FER: variants seen among roughly 807,000 people sequenced by gnomAD.
FER encodes FER tyrosine kinase.
In FER, 63 loss-of-function variants were observed where a neutral mutation model predicts 111.0. The ratio of observed to expected loss-of-function variants is 0.57; its 90% CI spans 0.46 to 0.70. The LOEUF is 0.70. Among genes scored for constraint, FER ranks in the 30% least tolerant of loss-of-function variants. The pLI is 0.00. For missense variants in FER, 914 were observed against 954.0 expected (o/e 0.96, Z 0.55); for synonymous variants, 327 against 313.9 (o/e 1.04, Z -0.44).
intron 16 of FER, among the ~76,000 whole-genome samples, chr5:109,055,310 A>C (rs1027967468): frequency 5.3e-5 from 8 of 152,180 alleles, no homozygotes; most frequent in African/African-American, 1.9e-4. Flanking sequence ...AAAATAAATA[A>C]ATAGGACTAT....
intron 17 of FER, among the ~76,000 whole-genome samples, chr5:109,137,011 GT>G (rs1450370761): frequency 2.0e-5 from 3 of 152,138 alleles, no homozygotes; most frequent in Non-Finnish European, 2.9e-5. Flanking sequence ...TATACAACTT[GT>G]CTGTATAAAC....
intron 16 of FER, among the ~76,000 whole-genome samples, chr5:109,093,761 C>G (rs547477741): frequency 6.6e-6 from 1 of 151,876 alleles, no homozygotes; most frequent in South Asian, 2.1e-4. Flanking sequence ...TTCTTTTTTT[C>G]TCTGCAGGTT....
intron 17 of FER, among the ~76,000 whole-genome samples, chr5:109,125,900 T>C (rs572980655): frequency 6.6e-6 from 1 of 152,368 alleles, no homozygotes; most frequent in South Asian, 2.1e-4. Flanking sequence ...TTCGGGACTC[T>C]TTGTTCTTCT....
chr5:108,903,721 AC>A (rs988867338), intron 10 of FER, among the ~76,000 whole-genome samples: 2 of 152,216 alleles, frequency 1.3e-5, no homozygotes, highest in Non-Finnish European at 2.9e-5. Flanking sequence ...ACCTTAGTTT[AC>A]AGGTAAATTA....
chr5:108,776,027 AAGGT>A (rs1181276838), intron 2 of FER, among the ~76,000 whole-genome samples: 5 of 152,180 alleles, frequency 3.3e-5, no homozygotes, highest in African/African-American at 1.2e-4. Flanking sequence ...AAGCATGTAA[AAGGT>A]AGGAAATACC....
At chr5:109,027,687 T>C (rs1768953653) in intron 13 of FER, among the ~76,000 whole-genome samples, 1 of 152,162 alleles carries the variant, frequency 6.6e-6, no homozygotes, top group Non-Finnish European at 1.5e-5. Flanking sequence ...AATGACCATC[T>C]GTACCCTGTA....
At chr5:108,793,880 G>A (rs892662240) in intron 2 of FER, among the ~76,000 whole-genome samples, 3 of 151,986 alleles carry the variant, frequency 2.0e-5, no homozygotes, top group African/African-American at 7.3e-5. Flanking sequence ...TAACATGATT[G>A]TATAAACAAA....
At chr5:109,119,472 G>T (rs1331031883) in intron 17 of FER, among the ~76,000 whole-genome samples, 1 of 152,132 alleles carries the variant, frequency 6.6e-6, no homozygotes, top group Non-Finnish European at 1.5e-5. Flanking sequence ...GTGCTAAAAA[G>T]AATGTATATT....
At chr5:108,963,105 A>G (rs1159977796) in intron 13 of FER, among the ~76,000 whole-genome samples, 2 of 152,180 alleles carry the variant, frequency 1.3e-5, no homozygotes, top group African/African-American at 2.4e-5. Context: ...GAGCTAAAAT[A>G]TAGGGATTGG....
intron 8 of FER, among the ~76,000 whole-genome samples, chr5:108,879,424 G>A (rs1010091584): frequency 6.6e-6 from 1 of 151,630 alleles, no homozygotes; most frequent in African/African-American, 2.4e-5. Flanking sequence ...AGGCCCCAGT[G>A]TGTGTTATTC....
At chr5:108,807,234 C>T (rs535948338) in intron 3 of FER, among the ~76,000 whole-genome samples, 1 of 152,286 alleles carries the variant, frequency 6.6e-6, no homozygotes, top group African/African-American at 2.4e-5. Context: ...TGAGGCCTCC[C>T]CAGCCACGTG....
In FER at chr5:108,778,106, C is replaced by T. The variant is rs770130325; in HGVS notation, c.-60+9868C>T. Among the ~76,000 whole-genome samples the T allele has an allele frequency of 2.2e-4, 33 of 152,190 alleles. 1 individual carries two copies. The highest frequency in any genetic ancestry group is 3.2e-3 in the Middle Eastern group (1 of 316). On this transcript the variant is annotated intron_variant, in intron 2 of 19. Coordinates refer to ENST00000281092, the MANE Select transcript of FER (RefSeq NM_005246.4). ...CATTTAGTAAGGTGCATTTAAATTT[C>T]TCCATGTCTTTTCATGGCTTGATAG...
At chr5:109,009,133 C>T (rs916459824) in intron 13 of FER, among the ~76,000 whole-genome samples, 6 of 148,674 alleles carry the variant, frequency 4.0e-5, no homozygotes, top group Non-Finnish European at 8.9e-5. Context: ...CTGCAACTGC[C>T]GCCTCCCGGG....
At chr5:109,065,436 T>C (rs1008540735) in intron 16 of FER, among the ~76,000 whole-genome samples, 2 of 152,260 alleles carry the variant, frequency 1.3e-5, no homozygotes, top group African/African-American at 4.8e-5. Context: ...AATGCTACTC[T>C]TTTATTTGTA....
intron 2 of FER, among the ~76,000 whole-genome samples, chr5:108,780,188 A>G (rs540583110): frequency 7.9e-5 from 12 of 152,144 alleles, no homozygotes; most frequent in Non-Finnish European, 1.8e-4. Context: ...ATTCATCTCC[A>G]GTACTTTTCT....
chr5:109,118,400 C>A (rs905316776), intron 17 of FER, among the ~76,000 whole-genome samples: 1 of 152,144 alleles, frequency 6.6e-6, no homozygotes, highest in African/African-American at 2.4e-5. Flanking sequence ...CTGCTGGATT[C>A]GGCTTGCCAG....
In FER at chr5:109,159,686, T is replaced by C. The variant is rs544069386; in HGVS notation, c.2049-21061T>C. 4.6e-5 allele frequency among the ~76,000 whole-genome samples: 7 copies of C among 152,332 alleles called. No individual in the cohort carries two copies. The East Asian group carries it at 1.2e-3, about 25-fold the overall frequency. The stretch of plus-strand genomic sequence containing the variant: ...TTCATAAAATGAGATTCAGGGATTA[T>C]GGCTGAGATAGGTGCCAAAAGGAAG... On this transcript the variant is annotated intron_variant, in intron 17 of 19. Coordinates refer to ENST00000281092, the MANE Select transcript of FER (RefSeq NM_005246.4).
In FER at chr5:108,946,136, AAGG is replaced by A; in HGVS notation, c.1246_1248del (p.Glu416del). 1 of 1,611,638 alleles carries A rather than the reference AAGG, an allele frequency of 6.2e-7. No individual in the cohort carries two copies. Among genetic ancestry groups the A allele is most frequent in the South Asian group, 1.1e-5 (1 of 91,008 alleles). On this transcript the variant is annotated inframe_deletion, in exon 11 of 20. Coordinates refer to ENST00000281092, the MANE Select transcript of FER (RefSeq NM_005246.4). ...TGTTTCTTAATCCCTCCAGGAAAGA[AAGG>A]AGAGGCTATCCAAATTTGAATCTAT...
At chr5:108,988,044 G>A (rs952792294) in intron 13 of FER, among the ~76,000 whole-genome samples, 1 of 152,034 alleles carries the variant, frequency 6.6e-6, no homozygotes, top group Non-Finnish European at 1.5e-5. Context: ...TGCGTTTCTT[G>A]AGATGATGTG....
Sources: allele counts gnomAD v4.1 joint callset (sites outside exome capture counted in the v4.1 genomes callset), GRCh38; gene constraint gnomAD v4.1.1; transcripts MANE v1.5; gene names NCBI Gene and HGNC (gene_info 2026-07-23, HGNC 2026-07-21).